The following SF3A2 variants were observed in gnomAD, a reference collection of about 807,000 sequenced individuals.
SF3A2 encodes splicing factor 3a subunit 2.
Under a neutral mutation model 31.1 loss-of-function variants are expected in SF3A2, and 5 were observed. The ratio of observed to expected loss-of-function variants is 0.16; its 90% CI spans 0.08 to 0.34. The LOEUF (loss-of-function observed/expected upper bound fraction) is 0.34, where lower values mean the gene tolerates loss of function less well. Ranked by LOEUF, SF3A2 falls within the 10% of genes least tolerant of loss-of-function variation. SF3A2 has a pLI of 1.00. For missense variants in SF3A2, 577 were observed against 643.9 expected, an observed-to-expected ratio of 0.90 and a Z score of 1.13; for synonymous variants, 365 against 263.7, an observed-to-expected ratio of 1.38 and a Z score of -3.72.
chr19:2,247,993 C>A lies in SF3A2; in HGVS notation c.842C>A (p.Pro281His). 1 of 951,294 alleles carries A rather than the reference C, an allele frequency of 1.1e-6. No individual in the cohort carries two copies. Among genetic ancestry groups the A allele is most frequent in the Non-Finnish European group, 1.6e-6 (1 of 613,526 alleles). 58.9% of individuals were successfully genotyped at this position (951,294 alleles called of 1,614,324 possible). A position where few individuals can be genotyped will look rare whatever the true frequency, so the allele number is the denominator to read the frequency against. Residue 281 changes from proline (P) to histidine (H), a missense_variant, in exon 9 of 9, where the codon CCC becomes CAC. Coordinates refer to ENST00000221494, the MANE Select transcript of SF3A2 (RefSeq NM_007165.5). ...GGGCCCCCGGGACCACCCCAGCTAC[C>A]CCCGCCAGCTCCAGGGGTCCACCCC... is the stretch of plus-strand genomic sequence containing the variant. ...PSGPPGPPQL[P>H]PPAPGVHPPA...
Position 2,244,625 on chromosome 19 carries a change from C to T in SF3A2, c.198+10C>T. The T allele has an allele frequency of 6.2e-7, 1 of 1,613,942 alleles. No individual in the cohort carries two copies. The highest frequency in any genetic ancestry group is 1.3e-5 in the African/African-American group (1 of 75,062). On this transcript the variant is annotated intron_variant, in intron 3 of 8. Coordinates refer to ENST00000221494, the MANE Select transcript of SF3A2 (RefSeq NM_007165.5). The stretch of plus-strand genomic sequence containing the variant: ...ACTTCACAACAATGAGGTGCGGCCT[C>T]TGCCTGGCTCCGGGCGGCTCGCGGC...
chr19:2,243,662 G>A, intron 2 of SF3A2, 118 bp downstream of exon 2: 2 of 1,197,182 alleles, frequency 1.7e-6, no homozygotes, highest in Non-Finnish European at 2.2e-6. Context: ...GCAGCCCCGT[G>A]TCCAGACGCT....
chr19:2,240,972 C>T (rs1473465314), intron 1 of SF3A2, among the ~76,000 whole-genome samples: 2 of 152,236 alleles, frequency 1.3e-5, no homozygotes, highest in Non-Finnish European at 2.9e-5. Flanking sequence ...CCACCCACTG[C>T]TCTTCTCTCT....
chr19:2,238,765 T>G (rs1168586131), intron 1 of SF3A2, among the ~76,000 whole-genome samples: 1 of 152,320 alleles, frequency 6.6e-6, no homozygotes. Context: ...TTAAATAAAT[T>G]GATCTCCCCT....
rs1275414309 is a variant in SF3A2 at position 2,245,699 on chromosome 19, TG to T, written c.355+145del. On this transcript the variant is annotated intron_variant, in intron 5 of 8. Coordinates refer to ENST00000221494, the MANE Select transcript of SF3A2 (RefSeq NM_007165.5). This position sits in a 1 kb window ranked among gnomAD's most constrained non-coding sequence, Gnocchi z 4.2. ...CCTTGGTGGCCGTCCCTCACCCACC[TG>T]CAGCCTCTGGCGTTGTGTCTGGGAG... The T allele has an allele frequency of 1.5e-6, 1 of 661,220 alleles. No individual in the cohort carries two copies. Among genetic ancestry groups the T allele is most frequent in the African/African-American group, 1.8e-5 (1 of 56,100 alleles). The allele number at this position is 661,220 out of a possible 1,614,324, so 41.0% of individuals were successfully genotyped here.
chr19:2,244,465 A>G, intron 2 of SF3A2, 79 bp from the exon 3 acceptor site: 1 of 1,139,060 alleles, frequency 8.8e-7, no homozygotes. Context: ...CTCTACAGAA[A>G]GGGGATCCCG....
At chr19:2,236,988 G>A (rs1366138728) in intron 1 of SF3A2, 87 bp downstream of exon 1, 13 of 152,154 alleles carry the variant, frequency 8.5e-5, no homozygotes, top group Admixed American at 8.5e-4. Context: ...AGGCGCTTGC[G>A]ACAGGCCGCG....
At position 2,246,705 on chromosome 19, in the gene SF3A2, C is replaced by T. The variant is rs761054057; in HGVS notation, c.356-48C>T. 9 of 1,612,118 alleles carry T rather than the reference C, an allele frequency of 5.6e-6. No individual in the cohort carries two copies. In the East Asian group the frequency reaches 2.0e-4, roughly 36 times the overall value. The stretch of plus-strand genomic sequence containing the variant: ...CATTAGCCTGCCCCAGGTTCCTCAG[C>T]TTCGGAGAGGACAAGCAGCCGGGAC... On this transcript the variant is annotated intron_variant, in intron 5 of 8. Transcript: ENST00000221494. The surrounding 1 kb of genome is among the most constrained non-coding windows in gnomAD (Gnocchi z 5.5).
chr19:2,247,951 C>A lies in SF3A2; in HGVS notation c.800C>A (p.Thr267Lys). The A allele has an allele frequency of 1.4e-6, 2 of 1,397,436 alleles. No individual in the cohort carries two copies. The allele number at this position is 1,397,436 out of a possible 1,614,324, so 86.6% of individuals were successfully genotyped here. A position where few individuals can be genotyped will look rare whatever the true frequency, so the allele number is the denominator to read the frequency against. The change falls in exon 9 of 9, where the codon ACA (threonine) becomes AAA (lysine). Residue 267 changes from threonine to lysine, a missense_variant. Physicochemically the swap from Thr to Lys is moderately conservative, Grantham distance 78. Transcript: ENST00000221494. The stretch of plus-strand genomic sequence containing the variant: ...CTGCCTCTGCCACCCATGCCCCCCA[C>A]AGGGCCTGCGCCCTCAGGGCCCCCG... ...GGLPLPPMPP[T>K]GPAPSGPPGP...
chr19:2,244,796 C>A lies in SF3A2; in HGVS notation c.245+17C>A, dbSNP rs1172080278. On this transcript the variant is annotated intron_variant, in intron 4 of 8. Transcript: ENST00000221494. ...GACCAACCTGTGAGTACCTCATGTC[C>A]CTTTGATGCCTGGTGCTCCAGCAGC... 1 of 1,611,012 alleles carries A rather than the reference C, an allele frequency of 6.2e-7. No individual in the cohort carries two copies. Among genetic ancestry groups the A allele is most frequent in the South Asian group, 1.1e-5 (1 of 90,906 alleles).
rs532386211 is a variant in SF3A2, at chr19:2,238,626, A to G, written c.-38+1725A>G. Among the ~76,000 whole-genome samples the G allele has an allele frequency of 7.4e-4, 113 of 152,286 alleles. No homozygotes were observed. The South Asian group carries it at 0.013, about 18-fold the overall frequency. ...TGTTCAGCTAGGCTTTTCTTGTACC[A>G]TTCTATCTTCCCTTAAAGCTAATTA... On this transcript the variant is annotated intron_variant, in intron 1 of 8. Coordinates refer to ENST00000221494, the MANE Select transcript of SF3A2 (RefSeq NM_007165.5).
chr19:2,240,180 C>T (rs2024876339), intron 1 of SF3A2, among the ~76,000 whole-genome samples: 1 of 152,162 alleles, frequency 6.6e-6, no homozygotes, highest in South Asian at 2.1e-4. Flanking sequence ...CTCCTGGCCT[C>T]CCCCGGGGTG....
At chr19:2,244,985 G>C (rs2024919944) in intron 4 of SF3A2, 1 of 589,828 alleles carries the variant, frequency 1.7e-6, no homozygotes, top group South Asian at 2.0e-5. Context: ...AGGAGTTCGA[G>C]ACCAGCCTGG....
intron 1 of SF3A2, among the ~76,000 whole-genome samples, chr19:2,239,995 G>A (rs928922851): frequency 5.3e-5 from 8 of 152,188 alleles, no homozygotes; most frequent in African/African-American, 1.9e-4. Flanking sequence ...TCTCGGATGC[G>A]TGTGTTTCTC....
intron 3 of SF3A2, 27 bp downstream of exon 3, chr19:2,244,642 G>T (rs1247008277): frequency 6.2e-7 from 1 of 1,612,356 alleles, no homozygotes; most frequent in Admixed American, 1.7e-5. Context: ...GCTCCGGGCG[G>T]CTCGCGGCGG....
Position 2,244,795 on chromosome 19 carries a change from C to T in SF3A2, c.245+16C>T. 3 of 1,611,330 alleles carry T rather than the reference C, an allele frequency of 1.9e-6. No homozygotes were observed. Among genetic ancestry groups the T allele is most frequent in the Non-Finnish European group, 2.5e-6 (3 of 1,178,036 alleles). On this transcript the variant is annotated intron_variant, in intron 4 of 8. Transcript: ENST00000221494. ...AGACCAACCTGTGAGTACCTCATGT[C>T]CCTTTGATGCCTGGTGCTCCAGCAG...
chr19:2,247,075 G>C, intron 7 of SF3A2, 53 bp downstream of exon 7: 1 of 1,571,390 alleles, frequency 6.4e-7, no homozygotes, highest in Non-Finnish European at 8.5e-7. Context: ...AAGCCAGAAG[G>C]ATCTGCATAG....
In SF3A2 at chr19:2,245,151, T is replaced by A; in HGVS notation, c.246-295T>A. On this transcript the variant is annotated intron_variant, in intron 4 of 8. Coordinates refer to ENST00000221494, the MANE Select transcript of SF3A2 (RefSeq NM_007165.5). The surrounding 1 kb of genome is among the most constrained non-coding windows in gnomAD (Gnocchi z 4.2). Reference sequence around the variant, plus strand: ...GTGAACCAAGGTGCTGCCACTGTACTCCATCCTGGGCGACAGAGTGAGACT... The same window carrying A: ...GTGAACCAAGGTGCTGCCACTGTACACCATCCTGGGCGACAGAGTGAGACT... 2.0e-6 allele frequency: 1 copy of A among 490,826 alleles called. No homozygotes were observed. The highest frequency in any genetic ancestry group is 3.1e-5 in the South Asian group (1 of 32,026). The allele number at this position is 490,826 out of a possible 1,614,324, so 30.4% of individuals were successfully genotyped here. A position where few individuals can be genotyped will look rare whatever the true frequency, so the allele number is the denominator to read the frequency against.
In SF3A2 at chr19:2,246,659, C is replaced by A. The variant is rs1465252150; in HGVS notation, c.356-94C>A. 1 of 1,455,942 alleles carries A rather than the reference C, an allele frequency of 6.9e-7. No homozygotes were observed. The highest frequency in any genetic ancestry group is 9.5e-7 in the Non-Finnish European group (1 of 1,052,504). 90.2% of individuals were successfully genotyped at this position (1,455,942 alleles called of 1,614,324 possible). On this transcript the variant is annotated intron_variant, in intron 5 of 8. Coordinates refer to ENST00000221494, the MANE Select transcript of SF3A2 (RefSeq NM_007165.5). The surrounding 1 kb of genome is among the most constrained non-coding windows in gnomAD (Gnocchi z 5.5). Reference sequence around the variant, plus strand: ...GAGCTGCAGGGCCTCCCCCGGGGTCCCGCTCTCGTTCAGTGGGTGGCATTA... The same window carrying A: ...GAGCTGCAGGGCCTCCCCCGGGGTCACGCTCTCGTTCAGTGGGTGGCATTA...
Sources: gnomAD v4.1 joint callset for allele counts (sites outside exome capture counted in the v4.1 genomes callset) on GRCh38, gnomAD v4.1.1 for gene constraint, Gnocchi (gnomAD v3.1) non-coding constraint, MANE v1.5 for transcripts, NCBI Gene and HGNC (gene_info 2026-07-23, HGNC 2026-07-21) for gene names.